IFTAP: variants seen among roughly 807,000 people sequenced by gnomAD.
IFTAP encodes intraflagellar transport-associated protein.
IFTAP carries 19 observed loss-of-function variants against 19.4 expected under a neutral mutation model. That is an observed-to-expected ratio of 0.98 (90% CI 0.68 to 1.44). The LOEUF (loss-of-function observed/expected upper bound fraction) is 1.44, where lower values mean the gene tolerates loss of function less well. Ranked by LOEUF, IFTAP falls within the 40% of genes most tolerant of loss-of-function variation. The pLI, the probability that IFTAP is intolerant of heterozygous loss-of-function variation, is 0.00. For synonymous variants in IFTAP, 85 were observed against 83.5 expected (o/e 1.02, Z -0.10); for missense variants, 240 against 253.6 (o/e 0.95, Z 0.36).
chr11:36,626,798 T>C (rs998807406), intron 2 of IFTAP, among the ~76,000 whole-genome samples: 2 of 151,092 alleles, frequency 1.3e-5, no homozygotes, highest in African/African-American at 4.9e-5. Context: ...ATTTCTACCA[T>C]TGGGTGTGGA....
At chr11:36,619,970 G>GACATA (rs1852235601) in intron 2 of IFTAP, among the ~76,000 whole-genome samples, 1 of 151,782 alleles carries the variant, frequency 6.6e-6, no homozygotes, top group African/African-American at 2.4e-5. Context: ...TAGGCCATGG[G>GACATA]GATAATGTTA....
chr11:36,619,610 TGTTA>T (rs1307027397), intron 2 of IFTAP, among the ~76,000 whole-genome samples: 16 of 152,038 alleles, frequency 1.1e-4, no homozygotes, highest in African/African-American at 3.9e-4. Context: ...TTCTGTCATG[TGTTA>T]GATAGAGACC....
chr11:36,649,490 G>A (rs1472770918), intron 5 of IFTAP, among the ~76,000 whole-genome samples: 2 of 151,936 alleles, frequency 1.3e-5, no homozygotes, highest in Non-Finnish European at 2.9e-5. Flanking sequence ...AAAGTTATTG[G>A]ACCAGCCAGT....
intron 2 of IFTAP, 57 bp from the exon 3 acceptor site, chr11:36,633,227 A>G (rs1056754764): frequency 5.8e-6 from 8 of 1,368,146 alleles, no homozygotes; most frequent in East Asian, 5.2e-5. Context: ...TATACACAAA[A>G]TAAACCAGAC....
intron 5 of IFTAP, among the ~76,000 whole-genome samples, chr11:36,652,701 A>G (rs1465410787): frequency 1.3e-5 from 2 of 151,586 alleles, no homozygotes; most frequent in African/African-American, 2.4e-5. Flanking sequence ...GTCATAAGTA[A>G]CTCTTATTAT....
At chr11:36,649,528 A>T (rs540517390) in intron 5 of IFTAP, among the ~76,000 whole-genome samples, 10 of 152,304 alleles carry the variant, frequency 6.6e-5, no homozygotes, top group African/African-American at 2.4e-4. Flanking sequence ...CTTTTATAGA[A>T]ATACAATTTT....
intron 4 of IFTAP, among the ~76,000 whole-genome samples, chr11:36,643,321 C>G (rs1853316821): frequency 6.6e-6 from 1 of 152,146 alleles, no homozygotes; most frequent in Non-Finnish European, 1.5e-5. Context: ...AGGAGAACTA[C>G]AAACCAACTG....
intron 5 of IFTAP, among the ~76,000 whole-genome samples, chr11:36,653,409 A>G (rs1008944145): frequency 6.6e-6 from 1 of 152,178 alleles, no homozygotes; most frequent in Non-Finnish European, 1.5e-5. Flanking sequence ...CAAAAATAAC[A>G]AGTTAATAAC....
intron 5 of IFTAP, among the ~76,000 whole-genome samples, chr11:36,652,592 G>A (rs1035912951): frequency 2.6e-5 from 4 of 152,180 alleles, no homozygotes; most frequent in African/African-American, 9.6e-5. Flanking sequence ...ACACTATGTT[G>A]AATAGGAGTG....
chr11:36,651,736 G>T lies in IFTAP; in HGVS notation c.498+3581G>T, dbSNP rs1011491160. Among the ~76,000 whole-genome samples the T allele has an allele frequency of 4.6e-5, 7 of 152,312 alleles. No homozygotes were observed. The East Asian group carries it at 1.2e-3, about 25-fold the overall frequency. ...TCTTGAATTAATTTTTGAGTAAGGTGTAAGGAAGGGATCCTGTTTCAGCTT... is the reference window on the plus strand; with the variant it reads ...TCTTGAATTAATTTTTGAGTAAGGTTTAAGGAAGGGATCCTGTTTCAGCTT... On this transcript the variant is annotated intron_variant, in intron 5 of 5. Transcript: ENST00000334307.
intron 5 of IFTAP, 182 bp downstream of exon 5, chr11:36,648,337 A>G (rs1853575846): frequency 1.4e-6 from 1 of 718,546 alleles, no homozygotes; most frequent in East Asian, 2.8e-5. Flanking sequence ...TTAAACACAT[A>G]GAGCAATTAT....
Position 36,659,091 on chromosome 11 carries a change from A to G in IFTAP, c.571A>G (p.Lys191Glu), listed in dbSNP as rs765971266. 6.2e-7 allele frequency: 1 copy of G among 1,610,352 alleles called. No individual in the cohort carries two copies. Among genetic ancestry groups the G allele is most frequent in the Non-Finnish European group, 8.5e-7 (1 of 1,178,048 alleles). The change falls in exon 6 of 6, where the codon AAG (lysine) becomes GAG (glutamate). Residue 191 changes from lysine (K) to glutamate (E), a missense_variant. By Grantham distance (56) the Lys-to-Glu change is moderately conservative. Coordinates refer to ENST00000334307, the MANE Select transcript of IFTAP (RefSeq NM_138787.4). The stretch of plus-strand genomic sequence containing the variant: ...TTATGACAATGTGATGCTAACCTCC[A>G]AGTTTAGTCCTGCAGAGATAGAGAA... The part of the protein sequence containing the change: ...FDYDNVMLTS[K>E]FSPAEIENIK...
chr11:36,624,766 T>C (rs150573478), intron 2 of IFTAP, among the ~76,000 whole-genome samples: 1,821 of 152,266 alleles, frequency 0.012, 21 homozygotes, highest in East Asian at 0.031. Context: ...TCCTGGACCA[T>C]GTGGAGAAGG....
At chr11:36,647,773 A>G (rs1853546934) in intron 4 of IFTAP, among the ~76,000 whole-genome samples, 1 of 152,076 alleles carries the variant, frequency 6.6e-6, no homozygotes, top group South Asian at 2.1e-4. Context: ...GTACTCCTCC[A>G]GACATTTTGG....
chr11:36,642,515 G>C (rs1345491962), intron 4 of IFTAP, among the ~76,000 whole-genome samples: 1 of 152,120 alleles, frequency 6.6e-6, no homozygotes, highest in Non-Finnish European at 1.5e-5. Context: ...TATGAGACCA[G>C]CATGATCCTG....
intron 2 of IFTAP, among the ~76,000 whole-genome samples, chr11:36,618,175 C>T (rs1210604070): frequency 1.3e-5 from 2 of 151,952 alleles, no homozygotes; most frequent in South Asian, 2.1e-4. Flanking sequence ...TAACCCCCAA[C>T]GTGGACTGTA....
chr11:36,649,630 G>A (rs912102988), intron 5 of IFTAP, among the ~76,000 whole-genome samples: 1 of 152,034 alleles, frequency 6.6e-6, no homozygotes, highest in Non-Finnish European at 1.5e-5. Context: ...AAAACTGAAT[G>A]ATTTCTGGAA....
intron 1 of IFTAP, among the ~76,000 whole-genome samples, chr11:36,596,211 G>GTTTTTTTTT (rs1243664769): frequency 1.9e-4 from 19 of 101,138 alleles, no homozygotes; most frequent in South Asian, 7.1e-4. Context: ...AGATGGTAGT[G>GTTTTTTTTT]TTTTTTTTTT....
At chr11:36,648,420 C>T in intron 5 of IFTAP, 1 of 300,070 alleles carries the variant, frequency 3.3e-6, no homozygotes. Context: ...AAGGACTACA[C>T]AATAGAAAGG....
Sources: allele counts gnomAD v4.1 joint callset (sites outside exome capture counted in the v4.1 genomes callset), GRCh38; gene constraint gnomAD v4.1.1; transcripts MANE v1.5; gene names NCBI Gene and HGNC (gene_info 2026-07-23, HGNC 2026-07-21).